ACYP2: variants seen among roughly 807,000 people sequenced by gnomAD.
The protein encoded by ACYP2 is acylphosphatase-2.
In ACYP2, 12 loss-of-function variants were observed where a neutral mutation model predicts 11.2. The observed-to-expected ratio is 1.08, with a 90% CI of 0.69 to 1.74. The LOEUF (loss-of-function observed/expected upper bound fraction) is 1.74. Ranked by LOEUF, ACYP2 falls within the 40% of genes most tolerant of loss-of-function variation. The probability of loss-of-function intolerance (pLI) is 0.00; values close to 1 mark genes in which losing one functional copy is unlikely to be tolerated. For synonymous variants in ACYP2, 43 were observed against 32.2 expected (o/e 1.33, Z -1.13); for missense variants, 134 against 101.9 (o/e 1.31, Z -1.35).
intron 6 of ACYP2, among the ~76,000 whole-genome samples, chr2:54,185,932 A>G (rs928740136): frequency 2.6e-5 from 4 of 151,910 alleles, no homozygotes; most frequent in Non-Finnish European, 5.9e-5. Flanking sequence ...TAAATTGTTA[A>G]AATACAGTTG....
At chr2:54,260,789 G>A (rs1307268444) in intron 6 of ACYP2, among the ~76,000 whole-genome samples, 3 of 152,168 alleles carry the variant, frequency 2.0e-5, no homozygotes, top group African/African-American at 7.2e-5. Context: ...GGAGGTCAAT[G>A]AGCCAACAGG....
chr2:54,040,898 CAACAG>C (rs1675185456), intron 2 of ACYP2, among the ~76,000 whole-genome samples: 1 of 151,902 alleles, frequency 6.6e-6, no homozygotes, highest in Non-Finnish European at 1.5e-5. Context: ...GAAGTGAGGT[CAACAG>C]AGGGTTTTTC....
At chr2:54,290,069 A>G (rs992104638) in intron 6 of ACYP2, among the ~76,000 whole-genome samples, 7 of 151,944 alleles carry the variant, frequency 4.6e-5, no homozygotes, top group South Asian at 2.1e-4. Context: ...TTTTAATTCA[A>G]TTGTGCGCAA....
chr2:54,001,735 C>G (rs925045383), intron 2 of ACYP2, among the ~76,000 whole-genome samples: 12 of 152,256 alleles, frequency 7.9e-5, no homozygotes, highest in African/African-American at 2.9e-4. Flanking sequence ...AGAAATGATT[C>G]AGTAGATTTG....
intron 6 of ACYP2, among the ~76,000 whole-genome samples, chr2:54,190,611 G>T (rs545804030): frequency 6.6e-6 from 1 of 151,752 alleles, no homozygotes; most frequent in African/African-American, 2.4e-5. Context: ...CTGACAGCCC[G>T]CCCCTCCCAG....
At chr2:54,210,213 TGATAAA>T (rs1685276806) in intron 6 of ACYP2, among the ~76,000 whole-genome samples, 6 of 151,590 alleles carry the variant, frequency 4.0e-5, no homozygotes, top group Non-Finnish European at 7.4e-5. Context: ...CTTAAATCCT[TGATAAA>T]ACTAATGTAT....
At position 54,234,623 on chromosome 2, in the gene ACYP2, T is replaced by A. The variant is rs189373736; in HGVS notation, c.405-70065T>A. Among the ~76,000 whole-genome samples the A allele has an allele frequency of 7.2e-5, 11 of 152,358 alleles. No homozygotes were observed. In the East Asian group the frequency reaches 1.9e-3, roughly 27 times the overall value. On this transcript the variant is annotated intron_variant, in intron 6 of 6. Coordinates refer to ENST00000607452, the MANE Select transcript of ACYP2 (RefSeq NM_001320586.2). ...GCTGAACCAATTGAGATGTCTGTGG[T>A]GTTGGCTGTTATTTTTTCGGTTAAT...
chr2:54,240,325 A>G (rs1686679214), intron 6 of ACYP2, among the ~76,000 whole-genome samples: 1 of 152,216 alleles, frequency 6.6e-6, no homozygotes, highest in Non-Finnish European at 1.5e-5. Context: ...TTTAGAGTAG[A>G]AAACAGACCT....
chr2:54,185,053 G>C (rs1413936646), intron 6 of ACYP2, among the ~76,000 whole-genome samples: 2 of 152,078 alleles, frequency 1.3e-5, no homozygotes, highest in Non-Finnish European at 2.9e-5. Context: ...CACCATCTTG[G>C]CCAGGCTGAT....
chr2:54,084,599 A>G (rs1362359958), intron 4 of ACYP2: 1 of 152,126 alleles, frequency 6.6e-6, no homozygotes, highest in East Asian at 1.9e-4. Context: ...GCCTCAGTTT[A>G]TTTTTTACTC....
intron 6 of ACYP2, among the ~76,000 whole-genome samples, chr2:54,217,829 CATG>C (rs1685622027): frequency 6.6e-6 from 1 of 152,112 alleles, no homozygotes; most frequent in Non-Finnish European, 1.5e-5. Flanking sequence ...TAGAGAATAG[CATG>C]ATAACTGGAG....
chr2:54,031,868 G>C (rs1261845755), intron 2 of ACYP2, among the ~76,000 whole-genome samples: 5 of 152,190 alleles, frequency 3.3e-5, no homozygotes, highest in African/African-American at 1.2e-4. Context: ...GCATTTATCT[G>C]ATGGCCAGTG....
intron 2 of ACYP2, among the ~76,000 whole-genome samples, chr2:54,033,946 A>G (rs963134834): frequency 2.0e-5 from 3 of 152,242 alleles, no homozygotes; most frequent in Non-Finnish European, 4.4e-5. Context: ...ATCCTGAAAG[A>G]TAATGGGGAA....
intron 6 of ACYP2, among the ~76,000 whole-genome samples, chr2:54,214,717 G>C (rs1685486096): frequency 6.6e-6 from 1 of 152,094 alleles, no homozygotes; most frequent in African/African-American, 2.4e-5. Flanking sequence ...TTCTGCTTAG[G>C]ATTGCTTTGG....
chr2:54,273,674 C>T (rs145902458), intron 6 of ACYP2, among the ~76,000 whole-genome samples: 1 of 152,284 alleles, frequency 6.6e-6, no homozygotes, highest in East Asian at 1.9e-4. Context: ...CCATGTTTGC[C>T]AGGCTGGTCG....
At chr2:54,205,026 T>C (rs1685013786) in intron 6 of ACYP2, among the ~76,000 whole-genome samples, 1 of 152,072 alleles carries the variant, frequency 6.6e-6, no homozygotes. Context: ...GTGTATCCCC[T>C]TAAACATTCT....
At chr2:54,274,687 T>C (rs1453219558) in intron 6 of ACYP2, among the ~76,000 whole-genome samples, 1 of 122,262 alleles carries the variant, frequency 8.2e-6, no homozygotes, top group African/African-American at 3.1e-5. Flanking sequence ...TCTAGGGAAA[T>C]TAAACATTTT....
At chr2:54,120,760 G>A (rs1443997131) in intron 4 of ACYP2, among the ~76,000 whole-genome samples, 1 of 152,160 alleles carries the variant, frequency 6.6e-6, no homozygotes, top group Non-Finnish European at 1.5e-5. Context: ...TGGTCCAGGG[G>A]TGCCGTGACC....
At chr2:54,096,056 A>ACC (rs1298893463) in intron 4 of ACYP2, among the ~76,000 whole-genome samples, 1 of 67,438 alleles carries the variant, frequency 1.5e-5, no homozygotes, top group Admixed American at 1.4e-4. Flanking sequence ...CGGGGGGCTG[A>ACC]CCCCCACCTC....
Sources: gnomAD v4.1 joint callset for allele counts (sites outside exome capture counted in the v4.1 genomes callset) on GRCh38, gnomAD v4.1.1 for gene constraint, MANE v1.5 for transcripts, NCBI Gene and HGNC (gene_info 2026-07-23, HGNC 2026-07-21) for gene names.